The following MAP3K13 variants were observed in gnomAD, a reference collection of about 807,000 sequenced individuals.
MAP3K13 encodes mitogen-activated protein kinase kinase kinase 13, also known as leucine zipper-bearing kinase.
Under a neutral mutation model 104.0 loss-of-function variants are expected in MAP3K13, and 52 were observed. The observed-to-expected ratio is 0.50, with a 90% CI of 0.40 to 0.63. MAP3K13 has a LOEUF of 0.63. MAP3K13 is among the 20% of genes least tolerant of loss of function. The pLI is 0.00. For synonymous variants in MAP3K13, 394 were observed against 442.2 expected (o/e 0.89, Z 1.37); for missense variants, 914 against 1,218.5 (o/e 0.75, Z 3.72).
At chr3:185,412,382 G>A (rs1713501998) in intron 1 of MAP3K13, among the ~76,000 whole-genome samples, 1 of 152,100 alleles carries the variant, frequency 6.6e-6, no homozygotes, top group African/African-American at 2.4e-5. Flanking sequence ...ATTTTGGACA[G>A]ATGGGATTTA....
chr3:185,444,528 A>G (rs1577566314), intron 4 of MAP3K13, among the ~76,000 whole-genome samples: 1 of 152,224 alleles, frequency 6.6e-6, no homozygotes, highest in African/African-American at 2.4e-5. Context: ...AAGGTTCACA[A>G]TGGCCATAGG....
At chr3:185,283,646 G>A (rs146008287) in intron 1 of MAP3K13, among the ~76,000 whole-genome samples, 5 of 152,224 alleles carry the variant, frequency 3.3e-5, no homozygotes, top group Middle Eastern at 3.4e-3. Context: ...TACATTGTTG[G>A]TTTTTGTTAG....
At chr3:185,400,327 T>A (rs531745745) in intron 1 of MAP3K13, among the ~76,000 whole-genome samples, 1 of 152,334 alleles carries the variant, frequency 6.6e-6, no homozygotes, top group Admixed American at 6.5e-5. Flanking sequence ...ATTTTTCCCT[T>A]CTTTGTACTT....
rs1718788429 is a variant in MAP3K13, at chr3:185,487,748, C to A, written c.*5292C>A. On this transcript the variant is annotated 3_prime_UTR_variant, in exon 14 of 14. Coordinates refer to ENST00000265026, the MANE Select transcript of MAP3K13 (RefSeq NM_004721.5). ...AGCCGAAATATTATACTACCACTTA[C>A]CACCATCTACCACCTCCAAGACCAA... 6.6e-6 allele frequency: 1 copy of A among 152,214 alleles called. No homozygotes were observed. Among genetic ancestry groups the A allele is most frequent in the African/African-American group, 2.4e-5 (1 of 41,424 alleles). 9.4% of individuals were successfully genotyped at this position (152,214 alleles called of 1,614,324 possible).
At chr3:185,368,453 G>A (rs907821139) in intron 1 of MAP3K13, among the ~76,000 whole-genome samples, 2 of 152,188 alleles carry the variant, frequency 1.3e-5, no homozygotes, top group African/African-American at 4.8e-5. Context: ...AAAGAGTAAG[G>A]TAAGTTAGAT....
At chr3:185,376,365 G>T (rs759470016) in intron 1 of MAP3K13, among the ~76,000 whole-genome samples, 4 of 152,310 alleles carry the variant, frequency 2.6e-5, no homozygotes, top group South Asian at 2.1e-4. Flanking sequence ...CATAGTTTGT[G>T]ATTTTGAGGG....
chr3:185,454,346 GATATATGAGAT>G (rs1300221462), intron 7 of MAP3K13, among the ~76,000 whole-genome samples: 4 of 44,912 alleles, frequency 8.9e-5, no homozygotes, highest in Admixed American at 3.1e-4. Context: ...ATATATATGA[GATATATGAGAT>G]ATATATGAGA....
intron 7 of MAP3K13, among the ~76,000 whole-genome samples, chr3:185,455,047 TGA>T (rs1445923385): frequency 4.2e-4 from 38 of 91,258 alleles, no homozygotes; most frequent in South Asian, 1.3e-3. Context: ...GATATATATA[TGA>T]GATATATGTG....
At chr3:185,288,526 G>GTGTGTC (rs1253492278) in intron 2 of MAP3K13, among the ~76,000 whole-genome samples, 2 of 149,246 alleles carry the variant, frequency 1.3e-5, no homozygotes, top group Non-Finnish European at 3.0e-5. Flanking sequence ...GAATATGTGT[G>GTGTGTC]TGTGTGTTTG....
chr3:185,383,886 G>T (rs1376283415), intron 1 of MAP3K13, among the ~76,000 whole-genome samples: 1 of 152,112 alleles, frequency 6.6e-6, no homozygotes, highest in Non-Finnish European at 1.5e-5. Context: ...TGTATATAAT[G>T]TGTGATCGTA....
rs563775670 is a variant in MAP3K13, at chr3:185,334,102, A to G, written c.-86+48459A>G. On this transcript the variant is annotated intron_variant, in intron 2 of 14. Transcript: ENST00000424227. ...AAAAATACCTAACACACAGGAATAA[A>G]TCTTTCAAAAGAGCACAACACCTCT... Among the ~76,000 whole-genome samples the G allele has an allele frequency of 3.9e-5, 6 of 152,234 alleles. No individual in the cohort carries two copies. The South Asian group carries it at 8.3e-4, about 21-fold the overall frequency.
At chr3:185,477,506 A>C (rs1451336687) in intron 12 of MAP3K13, 110 bp downstream of exon 12, 2 of 793,202 alleles carry the variant, frequency 2.5e-6, no homozygotes, top group African/African-American at 1.7e-5. Flanking sequence ...GCCACCTTAT[A>C]GGGAACTTTG....
intron 2 of MAP3K13, among the ~76,000 whole-genome samples, chr3:185,338,144 C>A (rs555240981): frequency 8.9e-4 from 136 of 152,080 alleles, no homozygotes; most frequent in African/African-American, 3.2e-3. Flanking sequence ...GCCTGGCCAA[C>A]ATGGTGAAAC....
chr3:185,357,467 A>AG (rs1279968807), intron 2 of MAP3K13, among the ~76,000 whole-genome samples: 7 of 138,552 alleles, frequency 5.1e-5, no homozygotes, highest in African/African-American at 1.5e-4. Context: ...AAAAAAAAAA[A>AG]GAAAAAAAGA....
chr3:185,477,938 C>T (rs182311727), intron 12 of MAP3K13, among the ~76,000 whole-genome samples: 1 of 152,220 alleles, frequency 6.6e-6, no homozygotes. Context: ...AGGTCACAGT[C>T]TTATTGGATT....
chr3:185,467,082 A>G (rs1717485251), intron 10 of MAP3K13, 119 bp downstream of exon 10: 1 of 1,092,094 alleles, frequency 9.2e-7, no homozygotes, highest in Non-Finnish European at 1.3e-6. Context: ...CTGTAGAGAT[A>G]CTCAGTACTC....
intron 2 of MAP3K13, among the ~76,000 whole-genome samples, chr3:185,319,257 A>G (rs750630694): frequency 6.6e-6 from 1 of 152,204 alleles, no homozygotes; most frequent in Non-Finnish European, 1.5e-5. Context: ...GAGTTGATGG[A>G]TGAGCATTGT....
At chr3:185,401,955 A>T (rs1437219960) in intron 1 of MAP3K13, among the ~76,000 whole-genome samples, 1 of 152,190 alleles carries the variant, frequency 6.6e-6, no homozygotes, top group East Asian at 1.9e-4. Context: ...AGAAAATATA[A>T]CCTATAATTT....
chr3:185,383,765 T>C lies in MAP3K13; in HGVS notation c.-86+20397T>C, dbSNP rs922178328. 3.3e-5 allele frequency among the ~76,000 whole-genome samples: 5 copies of C among 152,156 alleles called. No individual in the cohort carries two copies. In the South Asian group the frequency reaches 1.0e-3, roughly 32 times the overall value. ...TCTTTATAAATTACCCAGTCTCAGG[T>C]ATTCTTTTATGGCAACACAAAGAGA... On this transcript the variant is annotated intron_variant, in intron 1 of 13. Transcript: ENST00000265026.
Sources: allele counts gnomAD v4.1 joint callset (sites outside exome capture counted in the v4.1 genomes callset), GRCh38; gene constraint gnomAD v4.1.1; transcripts MANE v1.5; gene names NCBI Gene and HGNC (gene_info 2026-07-23, HGNC 2026-07-21).